CNTNAP2: variants seen among roughly 807,000 people sequenced by gnomAD.
CNTNAP2 encodes contactin associated protein 2.
A neutral mutation model predicts 155.2 loss-of-function variants in CNTNAP2; 98 were observed. The ratio of observed to expected loss-of-function variants is 0.63; its 90% CI spans 0.54 to 0.75. The LOEUF is 0.75. Ranked by LOEUF, CNTNAP2 falls within the 30% of genes least tolerant of loss-of-function variation. CNTNAP2 has a pLI of 0.00. For synonymous variants in CNTNAP2, 651 were observed against 631.2 expected (o/e 1.03, Z -0.47); for missense variants, 1,727 against 1,688.1 (o/e 1.02, Z -0.40).
intron 13 of CNTNAP2, among the ~76,000 whole-genome samples, chr7:147,756,297 C>CT (rs1056422820): frequency 1.3e-5 from 2 of 152,016 alleles, no homozygotes; most frequent in African/African-American, 2.4e-5. Flanking sequence ...CTGACTACAG[C>CT]TTTTTTTTCC....
At chr7:146,957,457 C>T (rs569984401) in intron 3 of CNTNAP2, among the ~76,000 whole-genome samples, 1 of 152,276 alleles carries the variant, frequency 6.6e-6, no homozygotes, top group Admixed American at 6.5e-5. Flanking sequence ...CCATTTCACT[C>T]TGTGAGAATG....
At chr7:147,923,714 C>G (rs1484083248) in intron 14 of CNTNAP2, among the ~76,000 whole-genome samples, 1 of 151,692 alleles carries the variant, frequency 6.6e-6, no homozygotes, top group Non-Finnish European at 1.5e-5. Context: ...AGAGATTTTC[C>G]TTTGTAGGAA....
In CNTNAP2 at chr7:146,184,997, C is replaced by A. The variant is rs185942323; in HGVS notation, c.97+68024C>A. ...CTGCTAAAAGTTAAAGAAATAAAAACGAACATCCCATATTCCAAAAATCAC... is the reference window on the plus strand; with the variant it reads ...CTGCTAAAAGTTAAAGAAATAAAAAAGAACATCCCATATTCCAAAAATCAC... On this transcript the variant is annotated intron_variant, in intron 1 of 23. Transcript: ENST00000361727. Among the ~76,000 whole-genome samples the A allele has an allele frequency of 3.6e-4, 55 of 152,166 alleles. No individual in the cohort carries two copies. The East Asian group carries it at 9.5e-3, about 26-fold the overall frequency.
At chr7:147,071,371 G>A (rs1320953008) in intron 4 of CNTNAP2, among the ~76,000 whole-genome samples, 1 of 151,162 alleles carries the variant, frequency 6.6e-6, no homozygotes, top group Admixed American at 6.6e-5. Context: ...ATACTCTGTG[G>A]GAACAGCAGC....
rs1206885365 is a variant in CNTNAP2, at chr7:147,427,363, G to A, written c.1670+31583G>A. On this transcript the variant is annotated intron_variant, in intron 10 of 23. Coordinates refer to ENST00000361727, the MANE Select transcript of CNTNAP2 (RefSeq NM_014141.6). ...AAATCAGTCTTACCTGGAAGTATGTGGAATGGCTTTATTGAATATGGGTTC... is the reference window on the plus strand; with the variant it reads ...AAATCAGTCTTACCTGGAAGTATGTAGAATGGCTTTATTGAATATGGGTTC... Among the ~76,000 whole-genome samples the A allele has an allele frequency of 3.3e-5, 5 of 152,062 alleles. No homozygotes were observed. In the East Asian group the frequency reaches 7.7e-4, roughly 23 times the overall value.
chr7:146,702,025 C>T (rs1035175135), intron 1 of CNTNAP2, among the ~76,000 whole-genome samples: 8 of 152,128 alleles, frequency 5.3e-5, no homozygotes, highest in African/African-American at 1.9e-4. Context: ...AGACATGCAG[C>T]TATATTGTAC....
At chr7:147,574,925 C>A (rs188581947) in intron 12 of CNTNAP2, among the ~76,000 whole-genome samples, 2 of 152,256 alleles carry the variant, frequency 1.3e-5, no homozygotes, top group East Asian at 3.9e-4. Flanking sequence ...GTTCTCCTTA[C>A]TTTATTAATT....
chr7:147,296,630 T>C (rs566114469), intron 8 of CNTNAP2, among the ~76,000 whole-genome samples: 1 of 152,352 alleles, frequency 6.6e-6, no homozygotes, highest in Non-Finnish European at 1.5e-5. Flanking sequence ...TGCCTTTTTC[T>C]TTTTCCAGTG....
chr7:146,854,891 T>C (rs984469475), intron 3 of CNTNAP2, among the ~76,000 whole-genome samples: 2 of 152,166 alleles, frequency 1.3e-5, no homozygotes, highest in African/African-American at 4.8e-5. Context: ...GTTGTTGTTG[T>C]TCTATTTGCA....
chr7:147,443,461 T>G (rs929169990), intron 10 of CNTNAP2, among the ~76,000 whole-genome samples: 4 of 152,102 alleles, frequency 2.6e-5, no homozygotes, highest in Admixed American at 2.6e-4. Flanking sequence ...AGGACTATTT[T>G]TTTTTCTCCT....
chr7:146,914,370 C>T (rs573487217), intron 3 of CNTNAP2, among the ~76,000 whole-genome samples: 2 of 152,220 alleles, frequency 1.3e-5, no homozygotes, highest in South Asian at 4.1e-4. Flanking sequence ...GGAATCTCCA[C>T]ACTGTTTTTC....
At chr7:147,033,188 A>ATATATATATATATATATATATATATG (rs1799076066) in intron 3 of CNTNAP2, among the ~76,000 whole-genome samples, 2 of 99,330 alleles carry the variant, frequency 2.0e-5, no homozygotes, top group East Asian at 2.8e-4. Context: ...ATATATATAT[A>ATATATATATATATATATATATATATG]TATATATATA....
intron 12 of CNTNAP2, among the ~76,000 whole-genome samples, chr7:147,621,044 T>C (rs111774060): frequency 0.024 from 3,582 of 152,248 alleles, 139 homozygotes; most frequent in African/African-American, 0.079. Context: ...GACTTTTCAG[T>C]TGAAACCTTA....
intron 4 of CNTNAP2, among the ~76,000 whole-genome samples, chr7:147,070,979 G>A (rs1404933029): frequency 6.6e-6 from 1 of 152,004 alleles, no homozygotes; most frequent in Non-Finnish European, 1.5e-5. Flanking sequence ...CCAGGCCCAG[G>A]ACCTGGGTAT....
At position 147,681,289 on chromosome 7, in the gene CNTNAP2, A is replaced by G. The variant is rs887175766; in HGVS notation, c.2098+41983A>G. ...TCTAAACTGCTGAGAGCGTCCTAGT[A>G]TGACAAAATGGTGCCGTCCTTTAGT... On this transcript the variant is annotated intron_variant, in intron 13 of 23. Transcript: ENST00000361727. 5.7e-4 allele frequency among the ~76,000 whole-genome samples: 86 copies of G among 152,006 alleles called. 1 individual carries two copies. Among genetic ancestry groups the G allele is most frequent in the Non-Finnish European group, 2.9e-5 (2 of 67,934 alleles).
At chr7:147,330,212 A>G (rs1293455995) in intron 9 of CNTNAP2, among the ~76,000 whole-genome samples, 1 of 152,104 alleles carries the variant, frequency 6.6e-6, no homozygotes, top group East Asian at 1.9e-4. Flanking sequence ...CTGAATGACA[A>G]GAGTTGATAA....
chr7:148,011,057 A>G (rs1214660393), intron 15 of CNTNAP2, among the ~76,000 whole-genome samples: 1 of 152,158 alleles, frequency 6.6e-6, no homozygotes, highest in East Asian at 1.9e-4. Flanking sequence ...ATAGAAATGT[A>G]ATTTTTTGAT....
intron 21 of CNTNAP2, among the ~76,000 whole-genome samples, chr7:148,349,353 C>T (rs1177916): frequency 0.98 from 147,834 of 151,050 alleles, 72,425 homozygotes; most frequent in East Asian, 1. Context: ...ACACGTAAAA[C>T]ACACTAACAC....
intron 3 of CNTNAP2, among the ~76,000 whole-genome samples, chr7:147,000,895 C>G (rs181620484): frequency 3.7e-4 from 57 of 152,170 alleles, no homozygotes; most frequent in African/African-American, 1.3e-3. Context: ...TTGAGTCATT[C>G]TTGCAGGGCC....
Sources: gnomAD v4.1 joint callset for allele counts (sites outside exome capture counted in the v4.1 genomes callset) on GRCh38, gnomAD v4.1.1 for gene constraint, MANE v1.5 for transcripts, NCBI Gene and HGNC (gene_info 2026-07-23, HGNC 2026-07-21) for gene names.